Variants in KCNQ3 observed in about 807,000 individuals in gnomAD.
The protein encoded by KCNQ3 is potassium voltage-gated channel subfamily KQT member 3.
In KCNQ3, 30 loss-of-function variants were observed where a neutral mutation model predicts 92.5. That is an observed-to-expected ratio of 0.32 (90% CI 0.24 to 0.44). The LOEUF (loss-of-function observed/expected upper bound fraction) is 0.44. KCNQ3 is among the 20% of genes least tolerant of loss of function. The pLI is 1.00. For missense variants in KCNQ3, 913 were observed against 1,140.3 expected (o/e 0.80, Z 2.87); for synonymous variants, 450 against 468.8 (o/e 0.96, Z 0.52).
chr8:132,249,131 T>C (rs1287789926), intron 1 of KCNQ3, among the ~76,000 whole-genome samples: 1 of 152,146 alleles, frequency 6.6e-6, no homozygotes, highest in East Asian at 1.9e-4. Flanking sequence ...ATAAAGGCAG[T>C]GTGGACCCAA....
intron 1 of KCNQ3, among the ~76,000 whole-genome samples, chr8:132,433,482 G>A (rs1021399997): frequency 2.5e-4 from 38 of 152,206 alleles, no homozygotes; most frequent in Non-Finnish European, 1.5e-4. Flanking sequence ...AGAAATCAAC[G>A]CCAAGGCCAA....
At chr8:132,261,531 A>G (rs1454316783) in intron 1 of KCNQ3, among the ~76,000 whole-genome samples, 1 of 152,158 alleles carries the variant, frequency 6.6e-6, no homozygotes, top group Non-Finnish European at 1.5e-5. Context: ...TTGGAATAGA[A>G]AGGCAATATG....
At chr8:132,208,337 A>G (rs896970868) in intron 1 of KCNQ3, among the ~76,000 whole-genome samples, 6 of 151,958 alleles carry the variant, frequency 3.9e-5, no homozygotes, top group Admixed American at 3.9e-4. Context: ...GTGACCAGCT[A>G]TTGGCTGCAA....
intron 8 of KCNQ3, among the ~76,000 whole-genome samples, chr8:132,168,562 T>G (rs1826207263): frequency 6.6e-6 from 1 of 152,080 alleles, no homozygotes; most frequent in African/African-American, 2.4e-5. Context: ...GGGCCCAATC[T>G]TTCAGGGTCC....
intron 1 of KCNQ3, among the ~76,000 whole-genome samples, chr8:132,320,420 C>T (rs961995706): frequency 3.9e-5 from 6 of 152,008 alleles, no homozygotes; most frequent in Non-Finnish European, 7.4e-5. Context: ...CCTGTTTTGC[C>T]GATGAAGCAA....
At chr8:132,354,577 T>C (rs960094074) in intron 1 of KCNQ3, among the ~76,000 whole-genome samples, 3 of 152,126 alleles carry the variant, frequency 2.0e-5, no homozygotes, top group African/African-American at 7.2e-5. Flanking sequence ...GCACACCCTC[T>C]CCCCTGAACA....
chr8:132,337,751 G>A lies in KCNQ3; in HGVS notation c.386+142396C>T, dbSNP rs547241543. Among the ~76,000 whole-genome samples, 6 of 152,196 alleles carry A rather than the reference G, an allele frequency of 3.9e-5. No homozygotes were observed. In the South Asian group the frequency reaches 1.2e-3, roughly 32 times the overall value. The stretch of plus-strand genomic sequence containing the variant: ...AAAATGCATTTGCCCTCAATGTGAG[G>A]ATAAAAATCAATGTGCCTAGGCCCA... On this transcript the variant is annotated intron_variant, in intron 1 of 14. Coordinates refer to ENST00000388996, the MANE Select transcript of KCNQ3 (RefSeq NM_004519.4).
chr8:132,183,123 G>A (rs559881992), intron 3 of KCNQ3, among the ~76,000 whole-genome samples: 1 of 152,280 alleles, frequency 6.6e-6, no homozygotes, highest in South Asian at 2.1e-4. Context: ...GAAGGACTGT[G>A]TTCAGTCCTG....
intron 1 of KCNQ3, among the ~76,000 whole-genome samples, chr8:132,394,966 T>A (rs1052618981): frequency 6.6e-6 from 1 of 152,196 alleles, no homozygotes; most frequent in African/African-American, 2.4e-5. Flanking sequence ...CTGCTGGTAA[T>A]GGGGCCTGCC....
intron 1 of KCNQ3, among the ~76,000 whole-genome samples, chr8:132,319,631 C>T (rs1420620095): frequency 1.3e-5 from 2 of 152,176 alleles, no homozygotes; most frequent in Non-Finnish European, 2.9e-5. Flanking sequence ...AGTCATCGAG[C>T]TGCCACGACG....
At chr8:132,407,262 C>T (rs1027592606) in intron 1 of KCNQ3, among the ~76,000 whole-genome samples, 2 of 152,180 alleles carry the variant, frequency 1.3e-5, no homozygotes, top group African/African-American at 4.8e-5. Flanking sequence ...AATGGACCCA[C>T]GATCTTATTT....
chr8:132,230,794 C>T (rs1255118672), intron 1 of KCNQ3, among the ~76,000 whole-genome samples: 2 of 152,174 alleles, frequency 1.3e-5, no homozygotes, highest in African/African-American at 4.8e-5. Flanking sequence ...TAGTGTCAAT[C>T]CCTTCTGTCC....
intron 1 of KCNQ3, among the ~76,000 whole-genome samples, chr8:132,385,690 TG>T (rs1360074397): frequency 6.6e-6 from 1 of 152,182 alleles, no homozygotes; most frequent in Non-Finnish European, 1.5e-5. Context: ...GAATTCTGGC[TG>T]CTAGAAGTTG....
chr8:132,294,079 C>T (rs1016779022), intron 1 of KCNQ3, among the ~76,000 whole-genome samples: 4 of 149,514 alleles, frequency 2.7e-5, no homozygotes, highest in Non-Finnish European at 4.4e-5. Context: ...CAGCTCACTG[C>T]AACCTCCGCC....
At chr8:132,357,047 C>T (rs1293924246) in intron 1 of KCNQ3, among the ~76,000 whole-genome samples, 3 of 150,894 alleles carry the variant, frequency 2.0e-5, no homozygotes, top group Admixed American at 1.3e-4. Context: ...AAACTAAGGG[C>T]CTTGGAATTC....
At chr8:132,469,595 A>G (rs1822252222) in intron 1 of KCNQ3, among the ~76,000 whole-genome samples, 1 of 152,094 alleles carries the variant, frequency 6.6e-6, no homozygotes, top group South Asian at 2.1e-4. Flanking sequence ...ACATTTGAAG[A>G]TCTTTTCCTT....
chr8:132,341,956 TTCC>T (rs1169880563), intron 1 of KCNQ3, among the ~76,000 whole-genome samples: 4 of 152,188 alleles, frequency 2.6e-5, no homozygotes, highest in Non-Finnish European at 5.9e-5. Flanking sequence ...TTTCTTCCTA[TTCC>T]TCCTCTTTTC....
chr8:132,235,484 G>C (rs1814783378), intron 1 of KCNQ3, among the ~76,000 whole-genome samples: 1 of 152,186 alleles, frequency 6.6e-6, no homozygotes, highest in Non-Finnish European at 1.5e-5. Context: ...CTGGGCGACA[G>C]AGTGAGACGC....
chr8:132,357,367 C>T (rs374515781), intron 1 of KCNQ3, among the ~76,000 whole-genome samples: 12 of 152,120 alleles, frequency 7.9e-5, no homozygotes, highest in African/African-American at 2.2e-4. Flanking sequence ...AACAGGGGCT[C>T]GATTCTCCTG....
Sources: allele counts gnomAD v4.1 joint callset (sites outside exome capture counted in the v4.1 genomes callset), GRCh38; gene constraint gnomAD v4.1.1; transcripts MANE v1.5; gene names NCBI Gene and HGNC (gene_info 2026-07-23, HGNC 2026-07-21).